The following NRIP1 variants were observed in gnomAD, a reference collection of about 807,000 sequenced individuals.
The protein encoded by NRIP1 is nuclear receptor interacting protein 1.
A neutral mutation model predicts 75.0 loss-of-function variants in NRIP1; 28 were observed. The observed-to-expected ratio is 0.37, with a 90% CI of 0.28 to 0.51. The LOEUF (loss-of-function observed/expected upper bound fraction) is 0.51, where lower values mean the gene tolerates loss of function less well. Among genes scored for constraint, NRIP1 ranks in the 20% least tolerant of loss-of-function variants. The probability of loss-of-function intolerance (pLI) is 0.92; values close to 1 mark genes in which losing one functional copy is unlikely to be tolerated. For synonymous variants in NRIP1, 526 were observed against 487.6 expected (o/e 1.08, Z -1.04); for missense variants, 1,435 against 1,343.7 (o/e 1.07, Z -1.06).
chr21:15,003,104 T>C (rs2087886454), intron 3 of NRIP1, among the ~76,000 whole-genome samples: 1 of 152,206 alleles, frequency 6.6e-6, no homozygotes, highest in Admixed American at 6.5e-5. Context: ...ATTCAAAATA[T>C]GAAAAGGTAT....
intron 1 of NRIP1, among the ~76,000 whole-genome samples, chr21:15,063,151 G>A (rs1472802445): frequency 1.3e-5 from 2 of 152,152 alleles, no homozygotes; most frequent in Non-Finnish European, 2.9e-5. Flanking sequence ...ACAACCTGCA[G>A]GGCAGTAGCC....
At chr21:15,025,510 T>G (rs930126758) in intron 2 of NRIP1, among the ~76,000 whole-genome samples, 6 of 151,996 alleles carry the variant, frequency 3.9e-5, no homozygotes, top group African/African-American at 1.4e-4. Flanking sequence ...ACAAATAAAT[T>G]AACTAAAACT....
At chr21:15,048,528 C>T (rs1337976868) in intron 1 of NRIP1, among the ~76,000 whole-genome samples, 1 of 152,082 alleles carries the variant, frequency 6.6e-6, no homozygotes, top group Non-Finnish European at 1.5e-5. Context: ...CAGACAAAAA[C>T]AAACAGAACC....
Position 14,964,835 on chromosome 21 carries a change from T to C in NRIP1, c.3358A>G (p.Asn1120Asp), listed in dbSNP as rs370685864. 3.1e-6 allele frequency: 5 copies of C among 1,613,442 alleles called. No homozygotes were observed. In the African/African-American group the frequency reaches 6.7e-5, roughly 22 times the overall value. Residue 1120 changes from asparagine (N) to aspartate (D), a missense_variant, in exon 4 of 4, where the codon AAT becomes GAT. Transcript: ENST00000318948. ...PTAETKASFFNLRSPYNSHMG... is the reference protein window; with the variant it reads ...PTAETKASFFDLRSPYNSHMG... ...TGGCTATTGTAAGGGCTTCTTAAAT[T>C]AAAGAAAGAAGCTTTCGTTTCTGCA...
At chr21:15,036,548 C>T (rs967704863) in intron 2 of NRIP1, among the ~76,000 whole-genome samples, 2 of 151,778 alleles carry the variant, frequency 1.3e-5, no homozygotes, top group Middle Eastern at 3.2e-3. Context: ...ACTAAATTTA[C>T]ACCCACTACC....
At chr21:14,971,862 A>C (rs2086909790) in intron 3 of NRIP1, among the ~76,000 whole-genome samples, 1 of 152,244 alleles carries the variant, frequency 6.6e-6, no homozygotes, top group Non-Finnish European at 1.5e-5. Flanking sequence ...ACACATTTAG[A>C]ATAGATTTAA....
chr21:15,037,697 A>G (rs1177744924), intron 2 of NRIP1, among the ~76,000 whole-genome samples: 1 of 152,164 alleles, frequency 6.6e-6, no homozygotes, highest in Non-Finnish European at 1.5e-5. Flanking sequence ...AGCAAAAATA[A>G]TGTGGCAGAA....
intron 3 of NRIP1, among the ~76,000 whole-genome samples, chr21:14,997,748 C>A (rs915406809): frequency 6.7e-6 from 1 of 148,802 alleles, no homozygotes; most frequent in Non-Finnish European, 1.5e-5. Context: ...TTTATATATA[C>A]AATTTATATA....
rs769548840 is a variant in NRIP1 at position 14,965,728 on chromosome 21, A to G, written c.2465T>C (p.Leu822Ser). Reference protein sequence around the residue: ...SFSKNGLLSRLLRQNQDSYLA... With the variant: ...SFSKNGLLSRSLRQNQDSYLA... ...GTAACTATCTTGATTTTGTCTTAGC[A>G]ATCGACTTAGCAGACCATTCTTGGA... The change falls in exon 4 of 4, where the codon TTG becomes TCG. Residue 822 changes from leucine (L) to serine (S), a missense_variant. Transcript: ENST00000318948. 1.2e-6 allele frequency: 2 copies of G among 1,613,972 alleles called. No homozygotes were observed. Among genetic ancestry groups the G allele is most frequent in the Admixed American group, 1.7e-5 (1 of 59,988 alleles).
intron 3 of NRIP1, among the ~76,000 whole-genome samples, chr21:14,985,511 A>C (rs941382766): frequency 6.6e-6 from 1 of 152,150 alleles, no homozygotes; most frequent in Non-Finnish European, 1.5e-5. Flanking sequence ...TAAACTCCTG[A>C]CCTCAAGTGA....
chr21:15,003,653 A>G (rs987602778), intron 3 of NRIP1, among the ~76,000 whole-genome samples: 1 of 152,080 alleles, frequency 6.6e-6, no homozygotes, highest in Non-Finnish European at 1.5e-5. Context: ...ATCCACCACC[A>G]TTTGTCAGCA....
chr21:14,986,551 C>T (rs1038600398), intron 3 of NRIP1, among the ~76,000 whole-genome samples: 2 of 152,128 alleles, frequency 1.3e-5, no homozygotes, highest in Admixed American at 6.6e-5. Flanking sequence ...TCTGAGAAGG[C>T]TAAAAAGTCA....
At chr21:15,018,622 A>G (rs1006003661) in intron 2 of NRIP1, among the ~76,000 whole-genome samples, 10 of 152,200 alleles carry the variant, frequency 6.6e-5, no homozygotes, top group African/African-American at 2.4e-4. Flanking sequence ...AAAAAATGGT[A>G]ACAAATTAGG....
intron 2 of NRIP1, among the ~76,000 whole-genome samples, chr21:15,041,980 GAAGAA>G (rs2088965414): frequency 3.3e-5 from 5 of 152,040 alleles, no homozygotes; most frequent in African/African-American, 1.2e-4. Flanking sequence ...ACAAAAAGAG[GAAGAA>G]TATGCTGGTT....
At chr21:15,035,866 C>G (rs2088821856) in intron 2 of NRIP1, among the ~76,000 whole-genome samples, 1 of 152,098 alleles carries the variant, frequency 6.6e-6, no homozygotes, top group Non-Finnish European at 1.5e-5. Context: ...CTAACAAATA[C>G]TGTAATGATG....
At chr21:15,040,650 C>T (rs1317694120) in intron 2 of NRIP1, among the ~76,000 whole-genome samples, 1 of 152,056 alleles carries the variant, frequency 6.6e-6, no homozygotes, top group Non-Finnish European at 1.5e-5. Flanking sequence ...TCAAAATCCA[C>T]TTTCAGTATT....
At chr21:14,998,199 C>T (rs886387667) in intron 3 of NRIP1, among the ~76,000 whole-genome samples, 1 of 152,178 alleles carries the variant, frequency 6.6e-6, no homozygotes, top group Non-Finnish European at 1.5e-5. Context: ...CCACCTACAG[C>T]TAAGTCTGTC....
At position 14,964,905 on chromosome 21, in the gene NRIP1, A is replaced by G. The variant is rs767181891; in HGVS notation, c.3288T>C (p.Ala1096=). The part of the protein sequence containing the change: ...DKDIWREASS[A]ESVSQVTAKE... ...TGGCTGTGACCTGTGAGACACTTTC[A>G]GCAGATGAAGCCTCCCTCCAAATGT... The change falls in exon 4 of 4, where the codon GCT becomes GCC. Residue 1096 remains alanine (A), a synonymous_variant. Coordinates refer to ENST00000318948, the MANE Select transcript of NRIP1 (RefSeq NM_003489.4). 3 of 1,613,218 alleles carry G rather than the reference A, an allele frequency of 1.9e-6. No individual in the cohort carries two copies. Among genetic ancestry groups the G allele is most frequent in the Admixed American group, 1.7e-5 (1 of 59,920 alleles).
chr21:14,967,866 G>A lies in NRIP1; in HGVS notation c.327C>T (p.Asn109=), dbSNP rs989734480. The A allele has an allele frequency of 7.4e-6, 12 of 1,613,856 alleles. No homozygotes were observed. Among genetic ancestry groups the A allele is most frequent in the Admixed American group, 3.3e-5 (2 of 59,984 alleles). ...CAGCTAGCAAAGCTTCCTTCTTTAC[G>A]TTTAAATTCATGATAGAATCAGACA... ...KRLSDSIMNL[N]VKKEALLAGM... Residue 109 remains asparagine, a synonymous_variant, in exon 4 of 4, where the codon AAC becomes AAT. Transcript: ENST00000318948.
Sources: allele counts gnomAD v4.1 joint callset (sites outside exome capture counted in the v4.1 genomes callset), GRCh38; gene constraint gnomAD v4.1.1; transcripts MANE v1.5; gene names NCBI Gene and HGNC (gene_info 2026-07-23, HGNC 2026-07-21).